Variants in PCMT1 observed in about 807,000 individuals in gnomAD.
PCMT1 encodes protein-L-isoaspartate (D-aspartate) O-methyltransferase.
In PCMT1, 9 loss-of-function variants were observed where a neutral mutation model predicts 29.2. The observed-to-expected ratio is 0.31, with a 90% CI of 0.19 to 0.54. The LOEUF is 0.54. Ranked by LOEUF, PCMT1 falls within the 20% of genes least tolerant of loss-of-function variation. PCMT1 has a pLI of 0.95. For missense variants in PCMT1, 184 were observed against 282.2 expected (o/e 0.65, Z 2.49); for synonymous variants, 98 against 97.5 (o/e 1.00, Z -0.03).
intron 1 of PCMT1, among the ~76,000 whole-genome samples, chr6:149,760,721 G>A (rs879586950): frequency 2.0e-5 from 3 of 152,110 alleles, no homozygotes; most frequent in Non-Finnish European, 4.4e-5. Context: ...GCATGGTGGT[G>A]CATGCCTATA....
In PCMT1 at chr6:149,773,302, C is replaced by G. The variant is rs1409336229; in HGVS notation, c.192+133C>G. 3 of 691,428 alleles carry G rather than the reference C, an allele frequency of 4.3e-6. No individual in the cohort carries two copies. The East Asian group carries it at 8.3e-5, about 19-fold the overall frequency. The allele number at this position is 691,428 out of a possible 1,614,324, so 42.8% of individuals were successfully genotyped here. ...AGTTATGTGAATTGGTAATGAACAT[C>G]ATTTTCTTTTTTGAACATCTTATTC... On this transcript the variant is annotated intron_variant, in intron 3 of 7. Coordinates refer to ENST00000464889, the MANE Select transcript of PCMT1 (RefSeq NM_001360452.2).
intron 4 of PCMT1, among the ~76,000 whole-genome samples, chr6:149,791,124 A>G (rs1788353194): frequency 6.6e-6 from 1 of 152,112 alleles, no homozygotes; most frequent in African/African-American, 2.4e-5. Context: ...GCCCTGGGAC[A>G]TGTCTGAGGG....
At chr6:149,785,910 A>G (rs1158784579) in intron 3 of PCMT1, among the ~76,000 whole-genome samples, 3 of 151,910 alleles carry the variant, frequency 2.0e-5, no homozygotes, top group Non-Finnish European at 2.9e-5. Context: ...CCCGTTCTCA[A>G]TGAGCTGTTG....
chr6:149,774,624 A>AGTG (rs1787480671), intron 3 of PCMT1, among the ~76,000 whole-genome samples: 1 of 116,452 alleles, frequency 8.6e-6, no homozygotes, highest in East Asian at 2.4e-4. Context: ...TGCAACCTCC[A>AGTG]CCTCCTAGGT....
intron 1 of PCMT1, among the ~76,000 whole-genome samples, chr6:149,769,355 C>T (rs373769895): frequency 4.2e-4 from 50 of 120,236 alleles, no homozygotes; most frequent in African/African-American, 9.3e-4. Context: ...TACTCTGTCA[C>T]GCAGGCTGGA....
At chr6:149,805,930 ACT>A (rs201950520) in intron 7 of PCMT1, among the ~76,000 whole-genome samples, 2,573 of 137,672 alleles carry the variant, frequency 0.019, 61 homozygotes, top group African/African-American at 0.065. Context: ...ACAGAGTAAG[ACT>A]CTGTCTCAAA....
chr6:149,798,917 C>G (rs1187947271), intron 6 of PCMT1: 1 of 152,172 alleles, frequency 6.6e-6, no homozygotes, highest in African/African-American at 2.4e-5. Flanking sequence ...AAGAAATTTT[C>G]TAAAAACTGA....
upstream of PCMT1, chr6:149,749,700 G>C (rs1243717708): frequency 2.0e-6 from 3 of 1,497,156 alleles, no homozygotes; most frequent in East Asian, 5.2e-5. Context: ...GCCGCGCGGC[G>C]TCACAGAGCG....
chr6:149,767,737 AGC>A (rs1484285989), intron 1 of PCMT1, among the ~76,000 whole-genome samples: 1 of 151,616 alleles, frequency 6.6e-6, no homozygotes, highest in African/African-American at 2.4e-5. Context: ...TACAGACGTG[AGC>A]CACTGCATCT....
chr6:149,783,721 G>T (rs142388342), intron 3 of PCMT1, among the ~76,000 whole-genome samples: 2 of 152,026 alleles, frequency 1.3e-5, no homozygotes, highest in Admixed American at 6.6e-5. Flanking sequence ...CTGAGACAGG[G>T]TCTTGCTCTG....
chr6:149,793,165 A>ATC (rs1303968860), intron 4 of PCMT1, among the ~76,000 whole-genome samples: 182 of 44,184 alleles, frequency 4.1e-3, no homozygotes, highest in African/African-American at 0.041. Context: ...TCTCTCTCAA[A>ATC]AAAAAAAAAA....
chr6:149,767,059 C>T (rs1341902686), intron 1 of PCMT1, among the ~76,000 whole-genome samples: 1 of 151,986 alleles, frequency 6.6e-6, no homozygotes, highest in East Asian at 1.9e-4. Flanking sequence ...AAATACCAAA[C>T]TTAGCTGGAT....
At chr6:149,796,673 A>G in intron 6 of PCMT1, 173 bp downstream of exon 6, 1 of 484,420 alleles carries the variant, frequency 2.1e-6, no homozygotes, top group Middle Eastern at 5.6e-4. Context: ...AATTGTATAA[A>G]TGACATGAAA....
intron 1 of PCMT1, among the ~76,000 whole-genome samples, chr6:149,770,530 C>T (rs1332318027): frequency 6.6e-6 from 1 of 151,950 alleles, no homozygotes; most frequent in Non-Finnish European, 1.5e-5. Flanking sequence ...CACAGTGAAA[C>T]CCCATCCCTA....
chr6:149,777,876 CTTTTTTT>C lies in PCMT1; in HGVS notation c.192+4720_192+4726del, dbSNP rs57484963. On this transcript the variant is annotated intron_variant, in intron 3 of 7. Transcript: ENST00000464889. ...TCCTTCCTTCTTTCCTTCTTTTCTT[CTTTTTTT>C]TTTTTTTTTTTTCCACAAAGTCTCA... Among the ~76,000 whole-genome samples, 5 of 111,076 alleles carry C rather than the reference CTTTTTTT, an allele frequency of 4.5e-5. No homozygotes were observed. In the South Asian group the frequency reaches 1.5e-3, roughly 34 times the overall value. 72.9% of individuals were successfully genotyped at this position (111,076 alleles called of 152,430 possible). A position where few individuals can be genotyped will look rare whatever the true frequency, so the allele number is the denominator to read the frequency against.
At chr6:149,772,610 CT>C (rs1462540175) in intron 2 of PCMT1, 2 of 455,756 alleles carry the variant, frequency 4.4e-6, no homozygotes, top group African/African-American at 4.0e-5. Context: ...GACTGTTTTA[CT>C]AGATGAGCAC....
At chr6:149,802,664 A>G (rs1775875983) in intron 7 of PCMT1, 3 of 261,756 alleles carry the variant, frequency 1.1e-5, no homozygotes, top group Non-Finnish European at 2.0e-5. Context: ...TCAATTCAGT[A>G]CTTTGTAAGG....
At chr6:149,761,753 G>A (rs1786749037) in intron 1 of PCMT1, among the ~76,000 whole-genome samples, 1 of 152,096 alleles carries the variant, frequency 6.6e-6, no homozygotes, top group African/African-American at 2.4e-5. Context: ...GGGAGTTCCC[G>A]CTCTCATTTC....
At chr6:149,751,905 C>CTTAG (rs1786335668) in intron 1 of PCMT1, among the ~76,000 whole-genome samples, 1 of 151,246 alleles carries the variant, frequency 6.6e-6, no homozygotes, top group South Asian at 2.1e-4. Flanking sequence ...GACAGGGTTT[C>CTTAG]ACTGTCACCC....
Sources: allele counts gnomAD v4.1 joint callset (sites outside exome capture counted in the v4.1 genomes callset), GRCh38; gene constraint gnomAD v4.1.1; transcripts MANE v1.5; gene names NCBI Gene and HGNC (gene_info 2026-07-23, HGNC 2026-07-21).